The following NEBL variants were observed in gnomAD, a reference collection of about 807,000 sequenced individuals.
NEBL encodes nebulette.
A neutral mutation model predicts 140.2 loss-of-function variants in NEBL; 122 were observed. The ratio of observed to expected loss-of-function variants is 0.87; its 90% CI spans 0.75 to 1.01. The LOEUF (loss-of-function observed/expected upper bound fraction) is 1.01, where lower values mean the gene tolerates loss of function less well. NEBL is among the 50% of genes least tolerant of loss of function. NEBL has a pLI of 0.00. For missense variants in NEBL, 1,365 were observed against 1,231.3 expected (o/e 1.11, Z -1.62); for synonymous variants, 436 against 398.9 (o/e 1.09, Z -1.11).
chr10:20,849,987 G>C (rs746109965), intron 11 of NEBL, among the ~76,000 whole-genome samples: 29 of 151,948 alleles, frequency 1.9e-4, no homozygotes, highest in Admixed American at 8.5e-4. Context: ...AAAAATGTTA[G>C]TTCTATTTTC....
chr10:21,186,955 T>G (rs532000616), intron 3 of NEBL, among the ~76,000 whole-genome samples: 2 of 151,270 alleles, frequency 1.3e-5, no homozygotes, highest in South Asian at 2.1e-4. Flanking sequence ...ATCTACAGAT[T>G]CAGAACCCAC....
chr10:20,907,905 GT>G (rs1405765618), intron 4 of NEBL, among the ~76,000 whole-genome samples: 1 of 152,148 alleles, frequency 6.6e-6, no homozygotes, highest in Non-Finnish European at 1.5e-5. Flanking sequence ...TAAAAATACT[GT>G]TGTGCAGAAT....
At chr10:21,108,356 G>T (rs551323634) in intron 2 of NEBL, among the ~76,000 whole-genome samples, 1 of 152,140 alleles carries the variant, frequency 6.6e-6, no homozygotes, top group Non-Finnish European at 1.5e-5. Context: ...ATTCTGGTAC[G>T]TTGTGTCTTC....
At chr10:20,976,427 C>T (rs1445800581) in intron 3 of NEBL, among the ~76,000 whole-genome samples, 1 of 151,802 alleles carries the variant, frequency 6.6e-6, no homozygotes, top group Non-Finnish European at 1.5e-5. Flanking sequence ...AGGTACATAC[C>T]CAAAAGAACA....
intron 2 of NEBL, among the ~76,000 whole-genome samples, chr10:21,060,769 C>G (rs997881480): frequency 6.6e-6 from 1 of 152,026 alleles, no homozygotes; most frequent in Non-Finnish European, 1.5e-5. Context: ...TAAGCTGAAA[C>G]GACTCACTCC....
rs1319292575 is a variant in NEBL, at chr10:20,782,006, G to T, written c.*3741C>A. The T allele has an allele frequency of 6.6e-6, 1 of 152,394 alleles. No individual in the cohort carries two copies. The highest frequency in any genetic ancestry group is 1.5e-5 in the Non-Finnish European group (1 of 67,984). The allele number at this position is 152,394 out of a possible 1,614,324, so 9.4% of individuals were successfully genotyped here. On this transcript the variant is annotated 3_prime_UTR_variant, in exon 28 of 28. Transcript: ENST00000377122. ...TCACAATTATTCTATCTTACAATAG[G>T]CATTTTAAATCCCAAATCTAAAGTT... is the stretch of plus-strand genomic sequence containing the variant.
rs78370492 is a variant in NEBL, at chr10:21,036,292, A to G, written c.165-16091T>C. Among the ~76,000 whole-genome samples the G allele has an allele frequency of 7.4e-3, 1,119 of 152,166 alleles. 40 individuals are homozygous for G. In the East Asian group the frequency reaches 0.089, roughly 12 times the overall value. ...AACATAGCAAGACCTCCTTTCTACAAAAAATTCTCAAATTAGCCAGGCGTG... is the reference window on the plus strand; with the variant it reads ...AACATAGCAAGACCTCCTTTCTACAGAAAATTCTCAAATTAGCCAGGCGTG... On this transcript the variant is annotated intron_variant, in intron 2 of 6. Coordinates refer to the NEBL transcript ENST00000417816.
At chr10:20,787,820 G>A (rs562823620) in intron 26 of NEBL, among the ~76,000 whole-genome samples, 20 of 152,222 alleles carry the variant, frequency 1.3e-4, no homozygotes, top group Non-Finnish European at 2.5e-4. Context: ...CGTTTGTTCG[G>A]TAGTTAACAA....
At chr10:20,923,341 A>T (rs1356042293) in intron 4 of NEBL, among the ~76,000 whole-genome samples, 1 of 152,088 alleles carries the variant, frequency 6.6e-6, no homozygotes. Context: ...TACTGGGATC[A>T]TAGGCATGAA....
chr10:20,972,191 G>A (rs1836603402), intron 3 of NEBL, among the ~76,000 whole-genome samples: 1 of 152,092 alleles, frequency 6.6e-6, no homozygotes, highest in Admixed American at 6.6e-5. Context: ...TCATGAAAGT[G>A]AAAATAACCT....
At chr10:21,065,653 C>A (rs1162250655) in intron 2 of NEBL, among the ~76,000 whole-genome samples, 1 of 152,192 alleles carries the variant, frequency 6.6e-6, no homozygotes, top group Non-Finnish European at 1.5e-5. Context: ...CACACAAAGC[C>A]AGTGGCATTT....
At chr10:21,234,248 C>G (rs1169736594) in intron 3 of NEBL, among the ~76,000 whole-genome samples, 1 of 151,938 alleles carries the variant, frequency 6.6e-6, no homozygotes, top group African/African-American at 2.4e-5. Context: ...AAATGTAATC[C>G]CCGGTGTTGG....
In NEBL at chr10:20,914,969, A is replaced by ATTTTTTTTTTTTTTTT. The variant is rs71390798; in HGVS notation, c.357+46702_357+46703insAAAAAAAAAAAAAAAA. On this transcript the variant is annotated intron_variant, in intron 4 of 6. Transcript: ENST00000417816. ...TACCTCTGCCTCCCAAGTGGCTGGGATTTTTTTTTTTTTTGGAGAGATGGG... is the reference window on the plus strand; with the variant it reads ...TACCTCTGCCTCCCAAGTGGCTGGGATTTTTTTTTTTTTTTTTTTTTTTTTTTTTTGGAGAGATGGG... Among the ~76,000 whole-genome samples the ATTTTTTTTTTTTTTTT allele has an allele frequency of 4.3e-3, 482 of 111,148 alleles. 26 individuals are homozygous for ATTTTTTTTTTTTTTTT. The highest frequency in any genetic ancestry group is 0.016 in the African/African-American group (453 of 29,176). The allele number at this position is 111,148 out of a possible 152,430, so 72.9% of individuals were successfully genotyped here. A position where few individuals can be genotyped will look rare whatever the true frequency, so the allele number is the denominator to read the frequency against.
intron 1 of NEBL, among the ~76,000 whole-genome samples, chr10:21,290,566 TA>T (rs1004616664): frequency 7.2e-5 from 11 of 152,210 alleles, no homozygotes; most frequent in African/African-American, 2.4e-4. Context: ...AGAGAAAGAC[TA>T]AAATCATCAC....
chr10:20,800,182 C>T (rs1342593633), intron 26 of NEBL, among the ~76,000 whole-genome samples: 1 of 151,306 alleles, frequency 6.6e-6, no homozygotes, highest in Non-Finnish European at 1.5e-5. Flanking sequence ...TAAATTTGAC[C>T]TTTCTTTTTC....
rs1287047980 is a variant in NEBL at position 20,782,591 on chromosome 10, AG to A, written c.*3155del. ...TCTTCAAGAAATAAACCCAGTGGAC[AG>A]AGAGGGGCTGGTCTAATCTTATCCA... On this transcript the variant is annotated 3_prime_UTR_variant, in exon 28 of 28. Transcript: ENST00000377122. 1.3e-5 allele frequency: 2 copies of A among 152,282 alleles called. No homozygotes were observed. The highest frequency in any genetic ancestry group is 4.8e-5 in the African/African-American group (2 of 41,452). The allele number at this position is 152,282 out of a possible 1,614,324, so 9.4% of individuals were successfully genotyped here. A position where few individuals can be genotyped will look rare whatever the true frequency, so the allele number is the denominator to read the frequency against.
At chr10:21,224,462 T>G (rs1055111920) in intron 3 of NEBL, among the ~76,000 whole-genome samples, 1 of 152,226 alleles carries the variant, frequency 6.6e-6, no homozygotes, top group African/African-American at 2.4e-5. Flanking sequence ...CCTCTAGTTT[T>G]GTTCTTTTTG....
intron 3 of NEBL, among the ~76,000 whole-genome samples, chr10:21,216,378 G>C (rs12264956): frequency 1.7e-4 from 26 of 152,188 alleles, no homozygotes; most frequent in African/African-American, 5.8e-4. Context: ...CTTTTTGGCC[G>C]GGTGCAGTAT....
At chr10:21,022,645 C>G (rs116178411) in intron 2 of NEBL, among the ~76,000 whole-genome samples, 1,898 of 152,144 alleles carry the variant, frequency 0.012, 30 homozygotes, top group African/African-American at 0.044. Context: ...AGAGTATAAA[C>G]GAATCTAGTT....
Sources: gnomAD v4.1 joint callset for allele counts (sites outside exome capture counted in the v4.1 genomes callset) on GRCh38, gnomAD v4.1.1 for gene constraint, MANE v1.5 for transcripts, NCBI Gene and HGNC (gene_info 2026-07-23, HGNC 2026-07-21) for gene names.